ECPAS: variants seen among roughly 807,000 people sequenced by gnomAD.
ECPAS encodes proteasome adapter and scaffold protein ECM29.
In ECPAS, 70 loss-of-function variants were observed where a neutral mutation model predicts 255.1. The observed-to-expected ratio is 0.27, with a 90% CI of 0.23 to 0.33. The LOEUF is 0.33. ECPAS is among the 10% of genes least tolerant of loss of function. The pLI, the probability that ECPAS is intolerant of heterozygous loss-of-function variation, is 1.00. For synonymous variants in ECPAS, 784 were observed against 775.0 expected (o/e 1.01, Z -0.19); for missense variants, 1,817 against 2,206.4 (o/e 0.82, Z 3.54).
chr9:111,360,864 TCTG>T lies in ECPAS; in HGVS notation c.*1163_*1165del, dbSNP rs1169009526. The T allele has an allele frequency of 2.0e-5, 3 of 152,170 alleles. No individual in the cohort carries two copies. The highest frequency in any genetic ancestry group is 7.2e-5 in the African/African-American group (3 of 41,454). 9.4% of individuals were successfully genotyped at this position (152,170 alleles called of 1,614,324 possible). A position where few individuals can be genotyped will look rare whatever the true frequency, so the allele number is the denominator to read the frequency against. On this transcript the variant is annotated 3_prime_UTR_variant, in exon 50 of 50. Transcript: ENST00000684092. ...ATGAGTACTGAATGTAAACCAGTCT[TCTG>T]CTCTGGAATCCAAGGTAAGCTACAG...
At chr9:111,479,257 A>T (rs2098300476) in intron 1 of ECPAS, among the ~76,000 whole-genome samples, 2 of 152,166 alleles carry the variant, frequency 1.3e-5, no homozygotes, top group Non-Finnish European at 2.9e-5. Context: ...TGAAATGCAT[A>T]AAAAAAGATG....
At chr9:111,439,126 A>G (rs2098242235) in intron 6 of ECPAS, among the ~76,000 whole-genome samples, 1 of 152,248 alleles carries the variant, frequency 6.6e-6, no homozygotes, top group African/African-American at 2.4e-5. Context: ...CAATGCAGCA[A>G]AAACACACAG....
At chr9:111,384,814 T>G (rs1196326904) in intron 33 of ECPAS, among the ~76,000 whole-genome samples, 1 of 152,226 alleles carries the variant, frequency 6.6e-6, no homozygotes, top group Non-Finnish European at 1.5e-5. Flanking sequence ...ATTTAGCTAT[T>G]AACAGTTGAG....
intron 17 of ECPAS, 97 bp downstream of exon 17, chr9:111,417,786 A>T (rs1446743201): frequency 1.8e-6 from 2 of 1,133,288 alleles, no homozygotes; most frequent in Non-Finnish European, 2.4e-6. Context: ...AAATTTTATG[A>T]GTCAACATCT....
rs539001415 is a variant in ECPAS at position 111,431,322 on chromosome 9, C to T, written c.849-694G>A. On this transcript the variant is annotated intron_variant, in intron 8 of 49. Transcript: ENST00000684092. ...CCTGCAATCCCAGCACTTTGGGAGG[C>T]CGAGGCGGGTGGATCACCTGAGGAT... 4.0e-3 allele frequency among the ~76,000 whole-genome samples: 610 copies of T among 152,230 alleles called. 5 individuals are homozygous for T. Among genetic ancestry groups the T allele is most frequent in the African/African-American group, 0.014 (586 of 41,544 alleles).
rs753241596 is a variant in ECPAS at position 111,363,647 on chromosome 9, T to C, written c.5321A>G (p.Tyr1774Cys). The change falls in exon 49 of 50, where the codon TAC (tyrosine) becomes TGC (cysteine). Residue 1774 changes from tyrosine (Y) to cysteine (C), a missense_variant. Around this residue, in one of 4 missense-constraint regions of ECPAS, gnomAD observed 960 missense variants for 1,179.0 expected, o/e 0.81. Transcript: ENST00000684092. ...SITYSLENKT[Y>C]SSVRTEALSV... ...TAAAGCTTCTGTTCTCACAGATGAG[T>C]AGGTCTTATTTTCTAAAAAGAAATA... is the stretch of plus-strand genomic sequence containing the variant. 2.6e-6 allele frequency: 4 copies of C among 1,521,094 alleles called. No individual in the cohort carries two copies. Among genetic ancestry groups the C allele is most frequent in the Non-Finnish European group, 3.6e-6 (4 of 1,121,324 alleles). 94.2% of individuals were successfully genotyped at this position (1,521,094 alleles called of 1,614,324 possible). A position where few individuals can be genotyped will look rare whatever the true frequency, so the allele number is the denominator to read the frequency against.
chr9:111,382,303 T>A (rs1220610017), intron 35 of ECPAS, among the ~76,000 whole-genome samples: 1 of 150,208 alleles, frequency 6.7e-6, no homozygotes, highest in African/African-American at 2.5e-5. Flanking sequence ...TCGTTCTTGT[T>A]GTCCAGGCTG....
At position 111,412,014 on chromosome 9, in the gene ECPAS, G is replaced by T. The variant is rs369771486; in HGVS notation, c.2214C>A (p.His738Gln). ...AAAGAATGAAAACAAAATAACATAC[G>T]TGATTGTCTTTTGTAGTCTTTATAA... Reference protein sequence around the residue: ...EQLIKTTKDNHSPEIQHGSLL... With the variant: ...EQLIKTTKDNQSPEIQHGSLL... Residue 738 changes from histidine to glutamine, a missense_variant and splice_region_variant, in exon 21 of 50, where the codon CAC becomes CAA. This residue lies in a region of ECPAS where 194 missense variants were observed against 152.8 expected (regional missense o/e 1.27). Transcript: ENST00000684092. 5.2e-5 allele frequency: 81 copies of T among 1,543,736 alleles called. No homozygotes were observed. The South Asian group carries it at 9.8e-4, about 19-fold the overall frequency.
At chr9:111,474,757 T>C (rs996646607) in intron 1 of ECPAS, among the ~76,000 whole-genome samples, 4 of 152,234 alleles carry the variant, frequency 2.6e-5, no homozygotes, top group African/African-American at 9.6e-5. Flanking sequence ...GTTTACACAG[T>C]ACATTTTCAC....
chr9:111,442,150 G>A (rs2098246798), intron 5 of ECPAS, among the ~76,000 whole-genome samples, 156 bp downstream of exon 5: 1 of 152,180 alleles, frequency 6.6e-6, no homozygotes. Flanking sequence ...TAACAAAACG[G>A]TAACTTTGAG....
chr9:111,383,473 G>A, intron 34 of ECPAS, 141 bp from the exon 35 acceptor site: 1 of 1,177,730 alleles, frequency 8.5e-7, no homozygotes, highest in Non-Finnish European at 1.2e-6. Context: ...GAGACACAGA[G>A]GAATGAGATC....
chr9:111,474,940 G>C (rs749272111), intron 1 of ECPAS, among the ~76,000 whole-genome samples: 2 of 152,114 alleles, frequency 1.3e-5, no homozygotes, highest in Non-Finnish European at 2.9e-5. Flanking sequence ...TCACACAGCC[G>C]TAGCACCCCC....
intron 1 of ECPAS, among the ~76,000 whole-genome samples, chr9:111,476,118 G>A (rs2098295935): frequency 6.6e-6 from 1 of 152,160 alleles, no homozygotes; most frequent in Non-Finnish European, 1.5e-5. Flanking sequence ...TATGTCAAAT[G>A]GTCAAATTGA....
intron 3 of ECPAS, among the ~76,000 whole-genome samples, chr9:111,450,587 C>G (rs2098259089): frequency 6.6e-6 from 1 of 152,112 alleles, no homozygotes; most frequent in African/African-American, 2.4e-5. Flanking sequence ...ATGAAATATT[C>G]TACAAATCAA....
intron 6 of ECPAS, among the ~76,000 whole-genome samples, chr9:111,439,702 G>A (rs903537343): frequency 1.3e-5 from 2 of 152,164 alleles, no homozygotes; most frequent in African/African-American, 4.8e-5. Flanking sequence ...AAATGCATGA[G>A]TGTATTAATG....
chr9:111,437,537 T>C (rs1282819374), intron 6 of ECPAS, among the ~76,000 whole-genome samples: 1 of 152,148 alleles, frequency 6.6e-6, no homozygotes, highest in Non-Finnish European at 1.5e-5. Flanking sequence ...TTCTACGAAG[T>C]TGTAATTCAC....
chr9:111,425,888 A>G (rs1414113014), intron 10 of ECPAS, 60 bp from the exon 11 acceptor site: 5 of 830,410 alleles, frequency 6.0e-6, no homozygotes, highest in Non-Finnish European at 9.6e-6. Flanking sequence ...AATATTTTTG[A>G]ATAGTAATCA....
intron 9 of ECPAS, among the ~76,000 whole-genome samples, chr9:111,429,819 C>A (rs1243948165): frequency 6.6e-6 from 1 of 152,202 alleles, no homozygotes; most frequent in Non-Finnish European, 1.5e-5. Flanking sequence ...GCCTAGGCAA[C>A]ATAGCTAAAC....
intron 2 of ECPAS, among the ~76,000 whole-genome samples, chr9:111,453,905 C>T (rs1012681728): frequency 6.6e-6 from 1 of 151,624 alleles, no homozygotes; most frequent in African/African-American, 2.4e-5. Context: ...CTAAATGGTC[C>T]CTTGCACAGG....
Sources: gnomAD v4.1 joint callset for allele counts (sites outside exome capture counted in the v4.1 genomes callset) on GRCh38, gnomAD v4.1.1 for gene constraint, gnomAD v4.1.1 regional missense constraint, MANE v1.5 for transcripts, NCBI Gene and HGNC (gene_info 2026-07-23, HGNC 2026-07-21) for gene names.